Variants in TUBAL3 observed in about 807,000 individuals in gnomAD.
TUBAL3 encodes tubulin alpha chain-like 3.
Under a neutral mutation model 15.5 loss-of-function variants are expected in TUBAL3, and 16 were observed. The observed-to-expected ratio is 1.04, with a 90% CI of 0.70 to 1.57. TUBAL3 has a LOEUF of 1.57. Among genes scored for constraint, TUBAL3 ranks in the 40% most tolerant of loss-of-function variants. TUBAL3 has a pLI of 0.00. For missense variants in TUBAL3, 609 were observed against 576.2 expected, an observed-to-expected ratio of 1.06 and a Z score of -0.58; for synonymous variants, 238 against 224.3, an observed-to-expected ratio of 1.06 and a Z score of -0.55.
intron 2 of TUBAL3, among the ~76,000 whole-genome samples, chr10:5,399,831 G>C (rs1831822922): frequency 6.6e-6 from 1 of 152,194 alleles, no homozygotes; most frequent in Non-Finnish European, 1.5e-5. Flanking sequence ...CTTCCAAGCT[G>C]GTACCACATG....
intron 2 of TUBAL3, among the ~76,000 whole-genome samples, chr10:5,399,299 C>T (rs1554814431): frequency 6.6e-6 from 1 of 152,178 alleles, no homozygotes; most frequent in African/African-American, 2.4e-5. Context: ...TCCCTAATCC[C>T]TGATGTGATG....
chr10:5,402,094 G>A (rs1554814692), intron 1 of TUBAL3, among the ~76,000 whole-genome samples: 1 of 152,034 alleles, frequency 6.6e-6, no homozygotes, highest in African/African-American at 2.4e-5. Context: ...TTCAAAAATA[G>A]GCATAAAAAT....
chr10:5,401,801 A>G (rs1831858120), intron 1 of TUBAL3, among the ~76,000 whole-genome samples: 1 of 152,166 alleles, frequency 6.6e-6, no homozygotes, highest in Non-Finnish European at 1.5e-5. Context: ...ATAAACAAAC[A>G]AATTACAAAA....
At position 5,393,846 on chromosome 10, in the gene TUBAL3, C is replaced by T. The variant is rs782261479; in HGVS notation, c.1012G>A (p.Ala338Thr). The stretch of plus-strand genomic sequence containing the variant: ...TGCCTCGACTTCGTGGCTGCGATTG[C>T]TGCATTCACTTCCTTGGGGACCACA... ...GDVVPKEVNA[A>T]IAATKSRHSV... The change falls in exon 4 of 4, where the codon GCA becomes ACA. Residue 338 changes from alanine (A) to threonine (T), a missense_variant. Transcript: ENST00000380419. The T allele has an allele frequency of 6.2e-7, 1 of 1,614,204 alleles. No homozygotes were observed. The highest frequency in any genetic ancestry group is 1.7e-5 in the Admixed American group (1 of 60,034).
At position 5,393,767 on chromosome 10, in the gene TUBAL3, T is replaced by C; in HGVS notation, c.1091A>G (p.Asn364Ser). ...ACCCGGCATCACCGTGGGCGGCCGA[T>C]TGTTGATGCCCACCTTGAAACCAGT... is the stretch of plus-strand genomic sequence containing the variant. ...CPTGFKVGIN[N>S]RPPTVMPGGD... The change falls in exon 4 of 4, where the codon AAT becomes AGT. Residue 364 changes from asparagine to serine, a missense_variant. Coordinates refer to ENST00000380419, the MANE Select transcript of TUBAL3 (RefSeq NM_024803.3). 5 of 1,614,206 alleles carry C rather than the reference T, an allele frequency of 3.1e-6. No individual in the cohort carries two copies. Among genetic ancestry groups the C allele is most frequent in the Non-Finnish European group, 4.2e-6 (5 of 1,180,030 alleles).
In TUBAL3 at chr10:5,397,244, T is replaced by C. The variant is rs1588413129; in HGVS notation, c.248-1769A>G. Among the ~76,000 whole-genome samples the C allele has an allele frequency of 6.6e-6, 1 of 152,248 alleles. No individual in the cohort carries two copies. The highest frequency in any genetic ancestry group is 2.4e-5 in the African/African-American group (1 of 41,464). ...TCACCGTGCCTTCCGTGCGTGACCA[T>C]GAATTTCTAAACTCCAATTTTGCAA... On this transcript the variant is annotated intron_variant, in intron 2 of 3. Transcript: ENST00000380419. The surrounding 1 kb of genome is among the most constrained non-coding windows in gnomAD (Gnocchi z 4.9).
At chr10:5,399,010 C>T (rs1831808223) in intron 2 of TUBAL3, among the ~76,000 whole-genome samples, 1 of 152,072 alleles carries the variant, frequency 6.6e-6, no homozygotes, top group African/African-American at 2.4e-5. Flanking sequence ...TTCTTATTCA[C>T]TAGATTAGGC....
chr10:5,395,538 C>G lies in TUBAL3; in HGVS notation c.248-63G>C. On this transcript the variant is annotated intron_variant, in intron 2 of 3. Transcript: ENST00000380419. This position sits in a 1 kb window ranked among gnomAD's most constrained non-coding sequence, Gnocchi z 4.6. ...GTGCAATTCAGCCGTCCACCTGCTG[C>G]TAGTCCTCCTGGAGCCTCCCCGTAC... 1 of 1,356,586 alleles carries G rather than the reference C, an allele frequency of 7.4e-7. No individual in the cohort carries two copies. Among genetic ancestry groups the G allele is most frequent in the Non-Finnish European group, 9.6e-7 (1 of 1,039,248 alleles). The allele number at this position is 1,356,586 out of a possible 1,614,324, so 84.0% of individuals were successfully genotyped here. A position where few individuals can be genotyped will look rare whatever the true frequency, so the allele number is the denominator to read the frequency against.
intron 1 of TUBAL3, among the ~76,000 whole-genome samples, chr10:5,403,688 C>T (rs1320135901): frequency 1.3e-5 from 2 of 152,178 alleles, no homozygotes; most frequent in Non-Finnish European, 2.9e-5. Context: ...TATAACATAA[C>T]TCTGTCCAAG....
Position 5,393,402 on chromosome 10 carries a change from C to T in TUBAL3, c.*115G>A. Reference sequence around the variant, plus strand: ...TTTAGTGTGGAACCTAGAGTCTTGCCTGATTTGAGTTCATTTTTCTGCTCA... The same window carrying T: ...TTTAGTGTGGAACCTAGAGTCTTGCTTGATTTGAGTTCATTTTTCTGCTCA... On this transcript the variant is annotated 3_prime_UTR_variant, in exon 4 of 4. Coordinates refer to ENST00000380419, the MANE Select transcript of TUBAL3 (RefSeq NM_024803.3). 1.1e-6 allele frequency: 1 copy of T among 886,660 alleles called. No individual in the cohort carries two copies. The highest frequency in any genetic ancestry group is 1.7e-6 in the Non-Finnish European group (1 of 591,240). The allele number at this position is 886,660 out of a possible 1,614,324, so 54.9% of individuals were successfully genotyped here. A position where few individuals can be genotyped will look rare whatever the true frequency, so the allele number is the denominator to read the frequency against.
intron 2 of TUBAL3, among the ~76,000 whole-genome samples, chr10:5,398,594 C>T (rs186988073): frequency 6.6e-5 from 10 of 151,166 alleles, no homozygotes; most frequent in Non-Finnish European, 1.2e-4. Context: ...CAGTCTCTCT[C>T]GCTCTAAAAA....
rs1351116745 is a variant in TUBAL3, at chr10:5,396,703, C to T, written c.248-1228G>A. 6.6e-6 allele frequency among the ~76,000 whole-genome samples: 1 copy of T among 152,172 alleles called. No individual in the cohort carries two copies. Among genetic ancestry groups the T allele is most frequent in the South Asian group, 2.1e-4 (1 of 4,838 alleles). ...CAGTATCCAATACAACTGAGGGTAG[C>T]CCCTGCCAGGTCTCATTGCCTTTTA... On this transcript the variant is annotated intron_variant, in intron 2 of 3. Transcript: ENST00000380419. This position sits in a 1 kb window ranked among gnomAD's most constrained non-coding sequence, Gnocchi z 5.1.
At chr10:5,403,762 A>T (rs1002938213) in intron 1 of TUBAL3, among the ~76,000 whole-genome samples, 1 of 152,078 alleles carries the variant, frequency 6.6e-6, no homozygotes, top group African/African-American at 2.4e-5. Flanking sequence ...CAAATTCTCT[A>T]TGAAAATATT....
chr10:5,394,917 A>G lies in TUBAL3; in HGVS notation c.396+410T>C, dbSNP rs1831739783. ...CTCCAGACTCAGGCCCCTAAAGAGG[A>G]ATTAATTATCAGTAAATAGAGTCAC... On this transcript the variant is annotated intron_variant, in intron 3 of 3. Coordinates refer to ENST00000380419, the MANE Select transcript of TUBAL3 (RefSeq NM_024803.3). The surrounding 1 kb of genome is among the most constrained non-coding windows in gnomAD (Gnocchi z 4.3). Among the ~76,000 whole-genome samples the G allele has an allele frequency of 6.6e-6, 1 of 152,212 alleles. No individual in the cohort carries two copies. The highest frequency in any genetic ancestry group is 2.4e-5 in the African/African-American group (1 of 41,452).
At position 5,397,376 on chromosome 10, in the gene TUBAL3, A is replaced by G. The variant is rs1554814255; in HGVS notation, c.248-1901T>C. 1.3e-5 allele frequency among the ~76,000 whole-genome samples: 2 copies of G among 152,244 alleles called. No homozygotes were observed. Among genetic ancestry groups the G allele is most frequent in the African/African-American group, 2.4e-5 (1 of 41,460 alleles). On this transcript the variant is annotated intron_variant, in intron 2 of 3. Coordinates refer to ENST00000380419, the MANE Select transcript of TUBAL3 (RefSeq NM_024803.3). The surrounding 1 kb of genome is among the most constrained non-coding windows in gnomAD (Gnocchi z 4.9). ...TTTAAAAGATATATTTATAAACAAG[A>G]TATAAGTGAAAGTGTAATTCTGGGT...
chr10:5,402,289 GA>G (rs1324799484), intron 1 of TUBAL3, among the ~76,000 whole-genome samples: 27 of 151,842 alleles, frequency 1.8e-4, no homozygotes, highest in Admixed American at 4.6e-4. Context: ...GAGAAGGAAA[GA>G]AAAAAAATGA....
In TUBAL3 at chr10:5,397,636, C is replaced by T; in HGVS notation, c.248-2161G>A. Among the ~76,000 whole-genome samples, 1 of 152,306 alleles carries T rather than the reference C, an allele frequency of 6.6e-6. No individual in the cohort carries two copies. Among genetic ancestry groups the T allele is most frequent in the East Asian group, 1.9e-4 (1 of 5,184 alleles). On this transcript the variant is annotated intron_variant, in intron 2 of 3. Coordinates refer to ENST00000380419, the MANE Select transcript of TUBAL3 (RefSeq NM_024803.3). The surrounding 1 kb of genome is among the most constrained non-coding windows in gnomAD (Gnocchi z 4.9). ...GGGCACAGGTTGCTCAGGGGCTTTACTACCCAGCATGGTGCCCTTAATCAA... is the reference window on the plus strand; with the variant it reads ...GGGCACAGGTTGCTCAGGGGCTTTATTACCCAGCATGGTGCCCTTAATCAA...
At chr10:5,402,951 G>A (rs1172343931) in intron 1 of TUBAL3, among the ~76,000 whole-genome samples, 1 of 152,244 alleles carries the variant, frequency 6.6e-6, no homozygotes, top group Non-Finnish European at 1.5e-5. Flanking sequence ...TCAGAGGAAA[G>A]TAAGGAGAGG....
intron 2 of TUBAL3, among the ~76,000 whole-genome samples, chr10:5,400,629 A>G (rs782592245): frequency 6.6e-6 from 1 of 152,148 alleles, no homozygotes; most frequent in Non-Finnish European, 1.5e-5. Flanking sequence ...CAAAATAAAT[A>G]AATAAATAAA....
Sources: allele counts gnomAD v4.1 joint callset (sites outside exome capture counted in the v4.1 genomes callset), GRCh38; gene constraint gnomAD v4.1.1; non-coding constraint Gnocchi (gnomAD v3.1); transcripts MANE v1.5; gene names NCBI Gene and HGNC (gene_info 2026-07-23, HGNC 2026-07-21).